Variants in CACNA1G observed in about 807,000 individuals in gnomAD.
CACNA1G encodes the protein voltage-dependent T-type calcium channel subunit alpha-1G.
Under a neutral mutation model 219.4 loss-of-function variants are expected in CACNA1G, and 67 were observed. The ratio of observed to expected loss-of-function variants is 0.31; its 90% confidence interval spans 0.25 to 0.37. CACNA1G has a LOEUF of 0.37. Ranked by LOEUF, CACNA1G falls within the 10% of genes least tolerant of loss-of-function variation. The pLI, the probability that CACNA1G is intolerant of heterozygous loss-of-function variation, is 1.00. For synonymous variants in CACNA1G, 1,296 were observed against 1,345.3 expected (o/e 0.96, Z 0.80); for missense variants, 2,380 against 3,231.4 (o/e 0.74, Z 6.39).
At chr17:50,624,324 T>TGCCCCCCC in intron 36 of CACNA1G, 36 bp from the exon 37 acceptor site, 1 of 1,177,662 alleles carries the variant, frequency 8.5e-7, no homozygotes, top group Admixed American at 2.1e-5. Flanking sequence ...CTCCATTCTC[T>TGCCCCCCC]CCCCCCACCC....
intron 1 of CACNA1G, among the ~76,000 whole-genome samples, chr17:50,567,164 A>G: frequency 6.6e-6 from 1 of 152,238 alleles, no homozygotes; most frequent in Non-Finnish European, 1.5e-5. Context: ...CTCTACTCAG[A>G]AAAACAATTC....
intron 5 of CACNA1G, among the ~76,000 whole-genome samples, 167 bp from the exon 6 acceptor site, chr17:50,572,387 C>T (rs568038329): frequency 1.3e-5 from 2 of 152,124 alleles, no homozygotes; most frequent in African/African-American, 2.4e-5. Flanking sequence ...AGGCCTCATG[C>T]TCCTGGTGCC....
chr17:50,589,228 G>A (rs2043640134), intron 9 of CACNA1G, among the ~76,000 whole-genome samples: 1 of 152,000 alleles, frequency 6.6e-6, no homozygotes, highest in Admixed American at 6.6e-5. Context: ...CCAGGCTGAG[G>A]TTGCTCATGA....
rs2050800732 is a variant in CACNA1G, at chr17:50,617,302, C to T, written c.5022-136C>T. ...CTGTGTGGCCTTAGATAAGCCACGC[C>T]TCTTCTCTGTGGGATGGGAGGCTGG... On this transcript the variant is annotated intron_variant, in intron 28 of 37. Coordinates refer to ENST00000359106, the MANE Select transcript of CACNA1G (RefSeq NM_018896.5). The surrounding 1 kb of genome is among the most constrained non-coding windows in gnomAD (Gnocchi z 5.8). 4.1e-6 allele frequency: 4 copies of T among 969,910 alleles called. No homozygotes were observed. In the African/African-American group the frequency reaches 4.9e-5, roughly 12 times the overall value. 60.1% of individuals were successfully genotyped at this position (969,910 alleles called of 1,614,324 possible).
intron 26 of CACNA1G, 53 bp from the exon 27 acceptor site, chr17:50,615,308 G>T: frequency 2.0e-6 from 3 of 1,472,520 alleles, no homozygotes; most frequent in Non-Finnish European, 2.7e-6. Flanking sequence ...GGGTGGAGGG[G>T]TGCGGGGGGC....
chr17:50,570,553 C>T (rs962534083), intron 4 of CACNA1G, among the ~76,000 whole-genome samples: 5 of 39,252 alleles, frequency 1.3e-4, no homozygotes, highest in East Asian at 4.8e-3. Context: ...CAGCCCCCTG[C>T]GCTCTGTGTG....
rs914824923 is a variant in CACNA1G, at chr17:50,603,634, C to A, written c.4169+435C>A. On this transcript the variant is annotated intron_variant, in intron 21 of 37. Coordinates refer to ENST00000359106, the MANE Select transcript of CACNA1G (RefSeq NM_018896.5). The surrounding 1 kb of genome is among the most constrained non-coding windows in gnomAD (Gnocchi z 6.4). ...TTCAGGCGCCTGCCAGTGACCACCC[C>A]CCGGTGACATTTCTCCTGACCAGGG... Among the ~76,000 whole-genome samples the A allele has an allele frequency of 6.6e-6, 1 of 151,944 alleles. No homozygotes were observed. Among genetic ancestry groups the A allele is most frequent in the Non-Finnish European group, 1.5e-5 (1 of 67,978 alleles).
At chr17:50,561,883 AGGTCTCGTCG>A (rs1430861799) in intron 1 of CACNA1G, 182 bp downstream of exon 1, 1 of 472,474 alleles carries the variant, frequency 2.1e-6, no homozygotes, top group Non-Finnish European at 3.2e-6. Context: ...AGACGCGAGC[AGGTCTCGTCG>A]GTAACCCGGG....
Position 50,596,806 on chromosome 17 carries a change from C to T in CACNA1G, c.3141C>T (p.Pro1047=). 2 of 1,611,282 alleles carry T rather than the reference C, an allele frequency of 1.2e-6. No individual in the cohort carries two copies. Among genetic ancestry groups the T allele is most frequent in the Non-Finnish European group, 1.7e-6 (2 of 1,179,490 alleles). ...PPLIIHTAAT[P]MSLPKSTSTG... is the part of the protein sequence containing the mutation. Reference sequence around the variant, plus strand: ...TCATCATCCACACGGCCGCCACACCCATGTCGCTGCCCAAGAGCACCAGCA... The same window carrying T: ...TCATCATCCACACGGCCGCCACACCTATGTCGCTGCCCAAGAGCACCAGCA... Residue 1047 remains proline, a synonymous_variant, in exon 16 of 38, where the codon CCC becomes CCT. Coordinates refer to ENST00000359106, the MANE Select transcript of CACNA1G (RefSeq NM_018896.5). This position sits in a 1 kb window ranked among gnomAD's most constrained non-coding sequence, Gnocchi z 4.8.
At position 50,601,055 on chromosome 17, in the gene CACNA1G, C is replaced by T. The variant is rs1180403429; in HGVS notation, c.3796C>T (p.Arg1266Cys). 1.2e-6 allele frequency: 2 copies of T among 1,613,660 alleles called. No homozygotes were observed. Among genetic ancestry groups the T allele is most frequent in the South Asian group, 1.1e-5 (1 of 91,072 alleles). Residue 1266 changes from arginine to cysteine, a missense_variant, in exon 19 of 38, where the codon CGC becomes TGC. Arg to Cys is a radical substitution (Grantham distance 180). Around this residue, in one of 17 missense-constraint regions of CACNA1G, gnomAD observed 418 missense variants for 434.3 expected, o/e 0.96. Transcript: ENST00000359106. ...AYIFPPQSRF[R>C]LLCHRIITHK... Reference sequence around the variant, plus strand: ...GTTGCCTCCATGCCTGGGCAGGTTCCGCCTCCTGTGTCACCGGATCATCAC... The same window carrying T: ...GTTGCCTCCATGCCTGGGCAGGTTCTGCCTCCTGTGTCACCGGATCATCAC...
rs753023545 is a variant in CACNA1G at position 50,617,955 on chromosome 17, G to A, written c.5226+26G>A. The A allele has an allele frequency of 1.2e-6, 2 of 1,613,358 alleles. No individual in the cohort carries two copies. Among genetic ancestry groups the A allele is most frequent in the East Asian group, 4.5e-5 (2 of 44,886 alleles). ...GTAGCCGGGAGGTGGGGGGCCTCTG[G>A]GGAGGGGGAGGTGCTTTCCAGAGGG... On this transcript the variant is annotated intron_variant, in intron 30 of 37. Coordinates refer to ENST00000359106, the MANE Select transcript of CACNA1G (RefSeq NM_018896.5). The surrounding 1 kb of genome is among the most constrained non-coding windows in gnomAD (Gnocchi z 5.8).
Position 50,591,527 on chromosome 17 carries a change from C to T in CACNA1G, c.2546C>T (p.Pro849Leu). The change falls in exon 11 of 38, where the codon CCG becomes CTG. Residue 849 changes from proline (P) to leucine (L), a missense_variant. Physicochemically the swap from Pro to Leu is moderately conservative, Grantham distance 98. Around this residue, in one of 17 missense-constraint regions of CACNA1G, gnomAD observed 82 missense variants for 140.7 expected, o/e 0.58. Transcript: ENST00000359106. The part of the protein sequence containing the change: ...MRVLKLVRFL[P>L]ALQRQLVVLM... ...GTGCTGAAGCTGGTGCGCTTCCTGC[C>T]GGCGCTGCAGCGGCAGCTGGTGGTG... 1 of 1,611,790 alleles carries T rather than the reference C, an allele frequency of 6.2e-7. No homozygotes were observed. The highest frequency in any genetic ancestry group is 8.5e-7 in the Non-Finnish European group (1 of 1,179,140).
At position 50,607,006 on chromosome 17, in the gene CACNA1G, C is replaced by G. The variant is rs1216879759; in HGVS notation, c.4512+17C>G. The G allele has an allele frequency of 6.3e-7, 1 of 1,591,000 alleles. No homozygotes were observed. On this transcript the variant is annotated intron_variant, in intron 24 of 37. Coordinates refer to ENST00000359106, the MANE Select transcript of CACNA1G (RefSeq NM_018896.5). The stretch of plus-strand genomic sequence containing the variant: ...GACCAGCAGGTAGGGCTGAGGTGGG[C>G]AGGATCCATCTGTGGGCTCAGGTCA...
rs1295226038 is a variant in CACNA1G, at chr17:50,627,070, G to T, written c.*319G>T. The T allele has an allele frequency of 1.9e-6, 1 of 515,202 alleles. No individual in the cohort carries two copies. Among genetic ancestry groups the T allele is most frequent in the African/African-American group, 1.9e-5 (1 of 52,352 alleles). 31.9% of individuals were successfully genotyped at this position (515,202 alleles called of 1,614,324 possible). A position where few individuals can be genotyped will look rare whatever the true frequency, so the allele number is the denominator to read the frequency against. On this transcript the variant is annotated 3_prime_UTR_variant, in exon 38 of 38. Coordinates refer to ENST00000359106, the MANE Select transcript of CACNA1G (RefSeq NM_018896.5). ...TATTTTATTAAATTAATTGAATCTA[G>T]TATATGCGGGATGTACGACATTTTG...
intron 1 of CACNA1G, among the ~76,000 whole-genome samples, chr17:50,567,714 C>T (rs554052875): frequency 6.6e-6 from 1 of 152,280 alleles, no homozygotes; most frequent in African/African-American, 2.4e-5. Context: ...CTTCCCCACC[C>T]TTCTCATATT....
chr17:50,623,764 T>C, intron 35 of CACNA1G, 143 bp from the exon 36 acceptor site: 1 of 779,804 alleles, frequency 1.3e-6, no homozygotes, highest in Non-Finnish European at 2.1e-6. Flanking sequence ...GCCATGCTCA[T>C]GCCCATCTCT....
chr17:50,587,659 C>G (rs1377191980), intron 9 of CACNA1G, among the ~76,000 whole-genome samples: 3 of 152,244 alleles, frequency 2.0e-5, no homozygotes, highest in Non-Finnish European at 4.4e-5. Context: ...GAGAGCAAGG[C>G]AGGGCCGAGG....
chr17:50,582,578 A>G lies in CACNA1G; in HGVS notation c.2301+4014A>G, dbSNP rs556751592. Reference sequence around the variant, plus strand: ...CCAGCAGGCTGTCGGAGCTCAGAAAAGAAGTTGCCTTCTCTTCTGTGTCCT... The same window carrying G: ...CCAGCAGGCTGTCGGAGCTCAGAAAGGAAGTTGCCTTCTCTTCTGTGTCCT... On this transcript the variant is annotated intron_variant, in intron 9 of 37. Transcript: ENST00000359106. 4.6e-5 allele frequency among the ~76,000 whole-genome samples: 7 copies of G among 152,180 alleles called. No homozygotes were observed. The South Asian group carries it at 8.3e-4, about 18-fold the overall frequency.
chr17:50,586,157 CGTCCACACGCT>C (rs2042945693), intron 9 of CACNA1G, among the ~76,000 whole-genome samples: 1 of 152,184 alleles, frequency 6.6e-6, no homozygotes, highest in Admixed American at 6.5e-5. Context: ...CCCTCCAAGC[CGTCCACACGCT>C]GCCACCACTG....
Sources: allele counts gnomAD v4.1 joint callset (sites outside exome capture counted in the v4.1 genomes callset), GRCh38; gene constraint gnomAD v4.1.1; regional missense constraint gnomAD v4.1.1; non-coding constraint Gnocchi (gnomAD v3.1); transcripts MANE v1.5; gene names NCBI Gene and HGNC (gene_info 2026-07-23, HGNC 2026-07-21).